The following ZFHX3 variants were observed in gnomAD, a reference collection of about 807,000 sequenced individuals.
ZFHX3 encodes the protein zinc finger homeobox protein 3.
A neutral mutation model predicts 279.1 loss-of-function variants in ZFHX3; 42 were observed. That is an observed-to-expected ratio of 0.15 (90% CI 0.12 to 0.19). The LOEUF is 0.19. Among genes scored for constraint, ZFHX3 ranks in the 10% least tolerant of loss-of-function variants. The probability of loss-of-function intolerance (pLI) is 1.00; values close to 1 mark genes in which losing one functional copy is unlikely to be tolerated. For missense variants in ZFHX3, 4,981 were observed against 4,754.0 expected, an observed-to-expected ratio of 1.05 and a Z score of -1.40; for synonymous variants, 2,293 against 1,957.8, an observed-to-expected ratio of 1.17 and a Z score of -4.52.
chr16:73,118,059 A>G (rs1160759327), intron 7 of ZFHX3, among the ~76,000 whole-genome samples: 2 of 152,232 alleles, frequency 1.3e-5, no homozygotes, highest in African/African-American at 4.8e-5. Flanking sequence ...GTGAATTGCT[A>G]AAGCAGTACA....
intron 1 of ZFHX3, among the ~76,000 whole-genome samples, chr16:73,767,028 C>T (rs981703257): frequency 3.3e-5 from 5 of 151,404 alleles, no homozygotes; most frequent in African/African-American, 1.2e-4. Context: ...CTCCACCTCC[C>T]GGATGCAAGC....
rs1002105594 is a variant in ZFHX3, at chr16:73,091,136, G to A, written c.-533+2099C>T. Among the ~76,000 whole-genome samples, 6 of 151,544 alleles carry A rather than the reference G, an allele frequency of 4.0e-5. No individual in the cohort carries two copies. In the South Asian group the frequency reaches 8.4e-4, roughly 21 times the overall value. ...TGAGGCAAAAGAATGGCATGAACCC[G>A]GGAGGTGGGGCTTGCAGTGAGTGGA... is the stretch of plus-strand genomic sequence containing the variant. On this transcript the variant is annotated intron_variant, in intron 8 of 17. Coordinates refer to the ZFHX3 transcript ENST00000641206.
chr16:73,072,800 C>T (rs1965841341), intron 8 of ZFHX3, among the ~76,000 whole-genome samples: 2 of 151,272 alleles, frequency 1.3e-5, no homozygotes, highest in Non-Finnish European at 3.0e-5. Context: ...GAACTCCTGG[C>T]TTCAAGTATC....
intron 6 of ZFHX3, among the ~76,000 whole-genome samples, chr16:73,138,587 T>C (rs1339364717): frequency 6.6e-6 from 1 of 152,100 alleles, no homozygotes; most frequent in African/African-American, 2.4e-5. Context: ...TACCCTCCAC[T>C]CCCCATGGAT....
chr16:73,162,622 C>T (rs983256484), intron 5 of ZFHX3, among the ~76,000 whole-genome samples: 10 of 151,938 alleles, frequency 6.6e-5, no homozygotes, highest in East Asian at 1.9e-4. Context: ...GCACCACACC[C>T]GGCTAATTTT....
intron 1 of ZFHX3, among the ~76,000 whole-genome samples, chr16:73,890,254 AC>A (rs1490808819): frequency 1.4e-4 from 20 of 145,514 alleles, no homozygotes; most frequent in South Asian, 2.2e-4. Flanking sequence ...AAAAAAAAAA[AC>A]AACAAAAAAA....
intron 9 of ZFHX3, among the ~76,000 whole-genome samples, chr16:72,792,051 A>C (rs1309790669): frequency 6.6e-6 from 1 of 152,106 alleles, no homozygotes; most frequent in Non-Finnish European, 1.5e-5. Flanking sequence ...TTGTGGGGGG[A>C]ATTTGCAGAC....
At chr16:73,730,843 T>A (rs1197526254) in intron 1 of ZFHX3, among the ~76,000 whole-genome samples, 2 of 152,040 alleles carry the variant, frequency 1.3e-5, no homozygotes, top group African/African-American at 4.8e-5. Context: ...TTCTAAGGAA[T>A]AAGAACTTCC....
intron 1 of ZFHX3, among the ~76,000 whole-genome samples, chr16:73,737,884 A>G (rs2053622630): frequency 6.6e-6 from 1 of 152,210 alleles, no homozygotes; most frequent in Non-Finnish European, 1.5e-5. Context: ...AGACAATTTT[A>G]TCAGTCAGGC....
At chr16:73,620,318 T>C (rs1313271111) in intron 2 of ZFHX3, among the ~76,000 whole-genome samples, 11 of 152,224 alleles carry the variant, frequency 7.2e-5, no homozygotes, top group Admixed American at 7.2e-4. Context: ...GAAGCACTGA[T>C]TTCAAGTGTC....
chr16:72,845,435 A>G (rs1028527872), intron 4 of ZFHX3, among the ~76,000 whole-genome samples: 2 of 152,162 alleles, frequency 1.3e-5, no homozygotes, highest in African/African-American at 4.8e-5. Flanking sequence ...TCGCATGCAC[A>G]GGGACATCCC....
chr16:72,835,549 T>TA (rs2037170914), intron 4 of ZFHX3, among the ~76,000 whole-genome samples: 1 of 152,224 alleles, frequency 6.6e-6, no homozygotes, highest in Non-Finnish European at 1.5e-5. Flanking sequence ...ACTTTGAAGA[T>TA]AGAGTTAAAG....
chr16:73,833,675 G>A (rs1305844863), intron 1 of ZFHX3, among the ~76,000 whole-genome samples: 1 of 151,808 alleles, frequency 6.6e-6, no homozygotes, highest in Non-Finnish European at 1.5e-5. Context: ...GATGGGTGCA[G>A]CAAACCACCA....
intron 2 of ZFHX3, among the ~76,000 whole-genome samples, chr16:73,612,046 C>A (rs1305292129): frequency 6.6e-6 from 1 of 151,862 alleles, no homozygotes; most frequent in Non-Finnish European, 1.5e-5. Flanking sequence ...GTTTATAAAC[C>A]GAGTTGGATT....
At chr16:73,174,038 C>G (rs773537949) in intron 5 of ZFHX3, among the ~76,000 whole-genome samples, 1 of 152,160 alleles carries the variant, frequency 6.6e-6, no homozygotes, top group African/African-American at 2.4e-5. Context: ...CCAAAATTCC[C>G]AAGTGTGTGA....
intron 4 of ZFHX3, among the ~76,000 whole-genome samples, chr16:72,882,375 C>T (rs1485612302): frequency 1.3e-5 from 2 of 152,160 alleles, no homozygotes; most frequent in Non-Finnish European, 2.9e-5. Flanking sequence ...GTGTCATATG[C>T]TGAAACAACA....
chr16:72,912,662 G>C (rs1463995310), intron 3 of ZFHX3, among the ~76,000 whole-genome samples: 1 of 152,058 alleles, frequency 6.6e-6, no homozygotes, highest in African/African-American at 2.4e-5. Flanking sequence ...AGCGAATGGG[G>C]AGCAGGGATG....
intron 1 of ZFHX3, among the ~76,000 whole-genome samples, chr16:73,682,958 G>C (rs1022021891): frequency 3.2e-4 from 7 of 21,876 alleles, no homozygotes; most frequent in Non-Finnish European, 6.5e-4. Context: ...AAGAAAGAAA[G>C]AAAGAAAGAA....
At chr16:73,260,611 T>C (rs1271577852) in intron 4 of ZFHX3, among the ~76,000 whole-genome samples, 1 of 151,506 alleles carries the variant, frequency 6.6e-6, no homozygotes, top group Non-Finnish European at 1.5e-5. Context: ...TCCATTGAAG[T>C]AGAGAATAGT....
Sources: allele counts gnomAD v4.1 joint callset (sites outside exome capture counted in the v4.1 genomes callset), GRCh38; gene constraint gnomAD v4.1.1; transcripts MANE v1.5; gene names NCBI Gene and HGNC (gene_info 2026-07-23, HGNC 2026-07-21).